RAD54L: variants seen among roughly 807,000 people sequenced by gnomAD.
The protein encoded by RAD54L is DNA repair and recombination protein RAD54-like.
Under a neutral mutation model 91.6 loss-of-function variants are expected in RAD54L, and 74 were observed. The ratio of observed to expected loss-of-function variants is 0.81; its 90% CI spans 0.67 to 0.98. The LOEUF (loss-of-function observed/expected upper bound fraction) is 0.98, where lower values mean the gene tolerates loss of function less well. Among genes scored for constraint, RAD54L ranks in the 50% least tolerant of loss-of-function variants. The pLI is 0.00. For missense variants in RAD54L, 887 were observed against 945.7 expected (o/e 0.94, Z 0.81); for synonymous variants, 304 against 349.7 (o/e 0.87, Z 1.46).
At chr1:46,261,210 T>TTTTTTTTTG in intron 7 of RAD54L, 51 bp from the exon 8 acceptor site, 1 of 1,606,956 alleles carries the variant, frequency 6.2e-7, no homozygotes, top group South Asian at 1.1e-5. Flanking sequence ...TTTTGTTTTT[T>TTTTTTTTTG]TTTTTTTCAA....
Position 46,260,064 on chromosome 1 carries a change from C to T in RAD54L, c.372C>T (p.Pro124=). 1 of 1,614,198 alleles carries T rather than the reference C, an allele frequency of 6.2e-7. No homozygotes were observed. Among genetic ancestry groups the T allele is most frequent in the East Asian group, 2.2e-5 (1 of 44,890 alleles). ...ATGCCTTGGTTCTGTATGAGCCTCC[C>T]CCGCTGAGCGCTCATGACCAGCTGA... ...EKDALVLYEP[P]PLSAHDQLKL... The change falls in exon 5 of 18, where the codon CCC becomes CCT. Residue 124 remains proline (P), a synonymous_variant. Transcript: ENST00000371975.
chr1:46,267,103 A>G (rs1035197578), intron 8 of RAD54L, among the ~76,000 whole-genome samples: 10 of 152,060 alleles, frequency 6.6e-5, no homozygotes, highest in Non-Finnish European at 1.5e-5. Flanking sequence ...TACTCAGGAG[A>G]CTGAGGTGGG....
intron 8 of RAD54L, among the ~76,000 whole-genome samples, chr1:46,264,774 G>A (rs1222154262): frequency 2.0e-5 from 3 of 152,186 alleles, no homozygotes; most frequent in East Asian, 3.8e-4. Context: ...ATTCCAAGTC[G>A]TGGCTCTTTT....
chr1:46,260,166 G>A, intron 5 of RAD54L, 67 bp downstream of exon 5: 1 of 1,602,446 alleles, frequency 6.2e-7, no homozygotes, highest in Non-Finnish European at 8.5e-7. Context: ...TGGGAGGGCA[G>A]AGGGTATTTT....
rs374201630 is a variant in RAD54L, at chr1:46,277,925, G to A, written c.1978G>A (p.Glu660Lys). Residue 660 changes from glutamate to lysine, a missense_variant, in exon 17 of 18, where the codon GAG becomes AAG. Glu to Lys is a moderately conservative substitution (Grantham distance 56). Transcript: ENST00000371975. ...TGTAGAGCGCCACTTCTCTCTGGGC[G>A]AGTTGAAGGAGCTGTTTATCCTGGA... is the stretch of plus-strand genomic sequence containing the variant. ...QDVERHFSLG[E>K]LKELFILDEA... is the part of the protein sequence containing the mutation. 18 of 1,614,010 alleles carry A rather than the reference G, an allele frequency of 1.1e-5. No homozygotes were observed. Among genetic ancestry groups the A allele is most frequent in the East Asian group, 2.2e-5 (1 of 44,894 alleles).
At chr1:46,268,864 C>G (rs1303646534) in intron 9 of RAD54L, among the ~76,000 whole-genome samples, 1 of 152,164 alleles carries the variant, frequency 6.6e-6, no homozygotes, top group African/African-American at 2.4e-5. Flanking sequence ...TTCCTGGGCT[C>G]AAGCAATCCT....
intron 2 of RAD54L, 119 bp downstream of exon 2, chr1:46,248,717 CT>C (rs934331909): frequency 1.4e-4 from 123 of 857,540 alleles, no homozygotes; most frequent in Admixed American, 3.6e-4. Context: ...GTTCAATAAA[CT>C]TTTAGTGAGT....
intron 8 of RAD54L, among the ~76,000 whole-genome samples, chr1:46,262,759 G>A (rs1161841112): frequency 1.3e-5 from 2 of 152,062 alleles, no homozygotes; most frequent in Non-Finnish European, 2.9e-5. Context: ...CAAAAGGAAA[G>A]ACATTTTTTT....
intron 3 of RAD54L, among the ~76,000 whole-genome samples, chr1:46,255,987 T>C (rs965296278): frequency 6.6e-6 from 1 of 152,206 alleles, no homozygotes; most frequent in Non-Finnish European, 1.5e-5. Context: ...CCTTCTATAC[T>C]GATAATTTTG....
In RAD54L at chr1:46,278,257, A is replaced by T; in HGVS notation, c.2219A>T (p.His740Leu). The T allele has an allele frequency of 1.2e-6, 2 of 1,613,116 alleles. No homozygotes were observed. The highest frequency in any genetic ancestry group is 1.7e-6 in the Non-Finnish European group (2 of 1,179,518). ...ACCTTCGTCTTCCACCAGCGTTCTCATGAGGAGCAGCGGGGCCTCCGCTGA... is the reference window on the plus strand; with the variant it reads ...ACCTTCGTCTTCCACCAGCGTTCTCTTGAGGAGCAGCGGGGCCTCCGCTGA... ...AITFVFHQRS[H>L]EEQRGLR The change falls in exon 18 of 18, where the codon CAT becomes CTT. Residue 740 changes from histidine (H) to leucine (L), a missense_variant. Transcript: ENST00000371975.
intron 10 of RAD54L, 35 bp downstream of exon 10, chr1:46,270,820 C>T: frequency 3.7e-6 from 6 of 1,609,866 alleles, no homozygotes; most frequent in Non-Finnish European, 5.1e-6. Context: ...AGAATTGCCT[C>T]CCAAACCATC....
chr1:46,273,327 A>C (rs780896948), intron 12 of RAD54L, 28 bp from the exon 13 acceptor site: 9 of 1,562,982 alleles, frequency 5.8e-6, no homozygotes. Flanking sequence ...AAAGCAAAGT[A>C]TCTGGGTTTT....
chr1:46,256,336 C>T (rs1385899487), intron 3 of RAD54L, among the ~76,000 whole-genome samples: 1 of 152,162 alleles, frequency 6.6e-6, no homozygotes, highest in African/African-American at 2.4e-5. Flanking sequence ...ACCTCAGCCT[C>T]CCAAAGCACT....
In RAD54L at chr1:46,252,635, A is replaced by C. The variant is rs188052388; in HGVS notation, c.210+2516A>C. Among the ~76,000 whole-genome samples the C allele has an allele frequency of 1.4e-4, 22 of 152,302 alleles. No individual in the cohort carries two copies. The East Asian group carries it at 4.2e-3, about 29-fold the overall frequency. On this transcript the variant is annotated intron_variant, in intron 3 of 17. Transcript: ENST00000371975. ...GGTGTCATTTGCTGAGATAGGGAAC[A>C]CAGAAGAAGAATGGCATTTGGTGGG...
At chr1:46,273,231 A>G in intron 12 of RAD54L, 124 bp from the exon 13 acceptor site, 1 of 845,226 alleles carries the variant, frequency 1.2e-6, no homozygotes, top group South Asian at 1.3e-5. Flanking sequence ...GGTAGGATGA[A>G]GATCAAGCAA....
Position 46,250,045 on chromosome 1 carries a change from T to G in RAD54L, c.136T>G (p.Cys46Gly), listed in dbSNP as rs1269546414. The change falls in exon 3 of 18, where the codon TGT becomes GGT. Residue 46 changes from cysteine (C) to glycine (G), a missense_variant. By Grantham distance (159) the Cys-to-Gly change is radical. Transcript: ENST00000371975. ...KSSSETQIQE[C>G]FLSPFRKPLS... ...CAGCAGTGAGACCCAGATCCAGGAGTGTTTCCTGTCTCCTTTTCGGAAACC... is the reference window on the plus strand; with the variant it reads ...CAGCAGTGAGACCCAGATCCAGGAGGGTTTCCTGTCTCCTTTTCGGAAACC... The G allele has an allele frequency of 8.7e-6, 14 of 1,613,890 alleles. No homozygotes were observed. The highest frequency in any genetic ancestry group is 1.2e-5 in the Non-Finnish European group (14 of 1,179,850).
At chr1:46,266,336 C>G (rs749099108) in intron 8 of RAD54L, among the ~76,000 whole-genome samples, 12 of 152,228 alleles carry the variant, frequency 7.9e-5, no homozygotes, top group Non-Finnish European at 1.6e-4. Flanking sequence ...AGTGAAGGGT[C>G]TGCATTTAAT....
intron 3 of RAD54L, 21 bp downstream of exon 3, chr1:46,250,140 G>T (rs1285285015): frequency 1.8e-5 from 29 of 1,613,770 alleles, no homozygotes; most frequent in Non-Finnish European, 2.5e-5. Context: ...ACTGCAACCT[G>T]CATGTGTATG....
Position 46,248,310 on chromosome 1 carries a change from C to T in RAD54L, c.-96C>T. The T allele has an allele frequency of 6.9e-7, 1 of 1,459,200 alleles. No individual in the cohort carries two copies. Among genetic ancestry groups the T allele is most frequent in the South Asian group, 1.2e-5 (1 of 85,664 alleles). The allele number at this position is 1,459,200 out of a possible 1,614,324, so 90.4% of individuals were successfully genotyped here. A position where few individuals can be genotyped will look rare whatever the true frequency, so the allele number is the denominator to read the frequency against. On this transcript the variant is annotated 5_prime_UTR_variant, in exon 1 of 18. Transcript: ENST00000371975. The stretch of plus-strand genomic sequence containing the variant: ...GTCCTCTCAATAATGTAGCAGCCCC[C>T]TCTACAGATTAGACCCTGGTCCTAC...
Sources: allele counts gnomAD v4.1 joint callset (sites outside exome capture counted in the v4.1 genomes callset), GRCh38; gene constraint gnomAD v4.1.1; transcripts MANE v1.5; gene names NCBI Gene and HGNC (gene_info 2026-07-23, HGNC 2026-07-21).